LRFN3: variants seen among roughly 807,000 people sequenced by gnomAD.
LRFN3 encodes leucine rich repeat and fibronectin type III domain containing 3.
LRFN3 carries 8 observed loss-of-function variants against 23.8 expected under a neutral mutation model. The ratio of observed to expected loss-of-function variants is 0.34; its 90% CI spans 0.20 to 0.61. The LOEUF (loss-of-function observed/expected upper bound fraction) is 0.61. Ranked by LOEUF, LRFN3 falls within the 20% of genes least tolerant of loss-of-function variation. The pLI is 0.80. For synonymous variants in LRFN3, 451 were observed against 450.6 expected, an observed-to-expected ratio of 1.00 and a Z score of -0.01; for missense variants, 736 against 935.3, an observed-to-expected ratio of 0.79 and a Z score of 2.78.
At position 35,944,960 on chromosome 19, in the gene LRFN3, A is replaced by G. The variant is rs767014678; in HGVS notation, c.1828A>G (p.Thr610Ala). ...APEPAALRAH[T>A]VVQLDCEPWG... ...GGAGCCCGCGGCGCTCAGGGCCCACACCGTGGTCCAGCTGGACTGCGAGCC... is the reference window on the plus strand; with the variant it reads ...GGAGCCCGCGGCGCTCAGGGCCCACGCCGTGGTCCAGCTGGACTGCGAGCC... Residue 610 changes from threonine to alanine, a missense_variant, in exon 3 of 3, where the codon ACC becomes GCC. Thr to Ala is a moderately conservative substitution (Grantham distance 58). Around this residue, in one of 2 missense-constraint regions of LRFN3, gnomAD observed 290 missense variants for 287.4 expected, o/e 1.01. Coordinates refer to ENST00000246529, the MANE Select transcript of LRFN3 (RefSeq NM_024509.2). This position sits in a 1 kb window ranked among gnomAD's most constrained non-coding sequence, Gnocchi z 4.5. The G allele has an allele frequency of 7.6e-5, 110 of 1,445,440 alleles. No homozygotes were observed. In the East Asian group the frequency reaches 2.2e-3, roughly 29 times the overall value. 89.5% of individuals were successfully genotyped at this position (1,445,440 alleles called of 1,614,324 possible).
At chr19:35,940,955 G>A in intron 2 of LRFN3, 115 bp downstream of exon 2, 1 of 1,336,488 alleles carries the variant, frequency 7.5e-7, no homozygotes, top group South Asian at 2.3e-5. Context: ...ATGCTGGAAG[G>A]TTCCAAAAGA....
In LRFN3 at chr19:35,944,990, G is replaced by A; in HGVS notation, c.1858G>A (p.Gly620Arg). The part of the protein sequence containing the change: ...TVVQLDCEPW[G>R]PGHEPVGP Reference sequence around the variant, plus strand: ...GGTCCAGCTGGACTGCGAGCCCTGGGGGCCCGGCCACGAACCTGTGGGACC... The same window carrying A: ...GGTCCAGCTGGACTGCGAGCCCTGGAGGCCCGGCCACGAACCTGTGGGACC... The change falls in exon 3 of 3, where the codon GGG becomes AGG. Residue 620 changes from glycine to arginine, a missense_variant. Around this residue, in one of 2 missense-constraint regions of LRFN3, gnomAD observed 290 missense variants for 287.4 expected, o/e 1.01. Transcript: ENST00000246529. This position sits in a 1 kb window ranked among gnomAD's most constrained non-coding sequence, Gnocchi z 4.5. The A allele has an allele frequency of 7.1e-7, 1 of 1,398,660 alleles. No individual in the cohort carries two copies. The highest frequency in any genetic ancestry group is 9.2e-7 in the Non-Finnish European group (1 of 1,087,570). 86.6% of individuals were successfully genotyped at this position (1,398,660 alleles called of 1,614,324 possible). A position where few individuals can be genotyped will look rare whatever the true frequency, so the allele number is the denominator to read the frequency against.
Position 35,939,138 on chromosome 19 carries a change from T to G in LRFN3, c.-16-272T>G, listed in dbSNP as rs115506601. On this transcript the variant is annotated intron_variant, in intron 1 of 2. Coordinates refer to ENST00000246529, the MANE Select transcript of LRFN3 (RefSeq NM_024509.2). The surrounding 1 kb of genome is among the most constrained non-coding windows in gnomAD (Gnocchi z 6.4). The stretch of plus-strand genomic sequence containing the variant: ...CCATGCCTAGCTAATTTTTAAAAAT[T>G]TTTGTATAATAGATACACGGTCTCA... Among the ~76,000 whole-genome samples, 1,552 of 152,264 alleles carry G rather than the reference T, an allele frequency of 0.01. 17 individuals carry two copies. The highest frequency in any genetic ancestry group is 0.021 in the African/African-American group (873 of 41,536).
In LRFN3 at chr19:35,945,039, A is replaced by T. The variant is rs1776215919; in HGVS notation, c.*20A>T. On this transcript the variant is annotated 3_prime_UTR_variant, in exon 3 of 3. Transcript: ENST00000246529. ...CCCTAGCCAGGCGCCCCCCCCTCTA[A>T]GGGTCCTCTGGCCCCACGGACAGCA... 1 of 1,317,890 alleles carries T rather than the reference A, an allele frequency of 7.6e-7. No homozygotes were observed. Among genetic ancestry groups the T allele is most frequent in the Non-Finnish European group, 9.8e-7 (1 of 1,022,036 alleles). 81.6% of individuals were successfully genotyped at this position (1,317,890 alleles called of 1,614,324 possible). A position where few individuals can be genotyped will look rare whatever the true frequency, so the allele number is the denominator to read the frequency against.
Position 35,945,311 on chromosome 19 carries a change from C to G in LRFN3, c.*292C>G. On this transcript the variant is annotated 3_prime_UTR_variant, in exon 3 of 3. Coordinates refer to ENST00000246529, the MANE Select transcript of LRFN3 (RefSeq NM_024509.2). ...CCCGCCCAGTTCAGTCTGAGGACCC[C>G]GGAGGAGGCTGAGGATGGCGATCCA... is the stretch of plus-strand genomic sequence containing the variant. The G allele has an allele frequency of 3.0e-6, 1 of 328,948 alleles. No homozygotes were observed. The allele number at this position is 328,948 out of a possible 1,614,324, so 20.4% of individuals were successfully genotyped here.
In LRFN3 at chr19:35,944,916, C is replaced by T; in HGVS notation, c.1784C>T (p.Thr595Met). ...AACGGCGCCCTGGGCCCCACGCCCA[C>T]GCCCGCCCCGCCCGCCCCGGAGCCC... ...QTNGALGPTP[T>M]PAPPAPEPAA... The change falls in exon 3 of 3, where the codon ACG (threonine) becomes ATG (methionine). Residue 595 changes from threonine (T) to methionine (M), a missense_variant. Coordinates refer to ENST00000246529, the MANE Select transcript of LRFN3 (RefSeq NM_024509.2). The surrounding 1 kb of genome is among the most constrained non-coding windows in gnomAD (Gnocchi z 4.5). 6.5e-7 allele frequency: 1 copy of T among 1,530,008 alleles called. No individual in the cohort carries two copies. The highest frequency in any genetic ancestry group is 8.7e-7 in the Non-Finnish European group (1 of 1,146,848). 94.8% of individuals were successfully genotyped at this position (1,530,008 alleles called of 1,614,324 possible). A position where few individuals can be genotyped will look rare whatever the true frequency, so the allele number is the denominator to read the frequency against.
intron 1 of LRFN3, among the ~76,000 whole-genome samples, chr19:35,938,775 T>C (rs1976084506): frequency 6.6e-6 from 1 of 152,126 alleles, no homozygotes; most frequent in Non-Finnish European, 1.5e-5. Flanking sequence ...TGTCCACTGC[T>C]CATCTTCCTG....
chr19:35,940,331 A>G lies in LRFN3; in HGVS notation c.906A>G (p.Ser302=). The G allele has an allele frequency of 6.3e-7, 1 of 1,582,920 alleles. No individual in the cohort carries two copies. ...VCEPPVVTHR[S]PPLAVPAGRP... ...AGCCGCCCGTGGTGACTCACCGCTC[A>G]CCACCTCTGGCTGTGCCCGCAGGTC... is the stretch of plus-strand genomic sequence containing the variant. The change falls in exon 2 of 3, where the codon TCA becomes TCG. Residue 302 remains serine (S), a synonymous_variant. Coordinates refer to ENST00000246529, the MANE Select transcript of LRFN3 (RefSeq NM_024509.2).
Position 35,944,451 on chromosome 19 carries a change from C to CT in LRFN3, c.1416-96dup. On this transcript the variant is annotated intron_variant, in intron 2 of 2. Transcript: ENST00000246529. The surrounding 1 kb of genome is among the most constrained non-coding windows in gnomAD (Gnocchi z 4.5). ...GGGTAGAATGAAATGAAGGAGTGGA[C>CT]TGGTGGGAAGTCTAGCCCCGCAGGG... 1.4e-6 allele frequency: 1 copy of CT among 724,548 alleles called. No individual in the cohort carries two copies. The highest frequency in any genetic ancestry group is 2.1e-6 in the Non-Finnish European group (1 of 484,780). 44.9% of individuals were successfully genotyped at this position (724,548 alleles called of 1,614,324 possible).
rs764439940 is a variant in LRFN3 at position 35,944,785 on chromosome 19, A to G, written c.1653A>G (p.Val551=). ...IALGGVIVAS[V]LVFIFVLLMR... ...TGGGCGGCGTCATCGTAGCCTCGGT[A>G]CTGGTCTTCATCTTCGTGCTGCTAA... The change falls in exon 3 of 3, where the codon GTA becomes GTG. Residue 551 remains valine (V), a synonymous_variant. Transcript: ENST00000246529. This position sits in a 1 kb window ranked among gnomAD's most constrained non-coding sequence, Gnocchi z 4.5. The G allele has an allele frequency of 1.3e-5, 21 of 1,611,202 alleles. No individual in the cohort carries two copies. In the African/African-American group the frequency reaches 1.9e-4, roughly 14 times the overall value.
intron 2 of LRFN3, among the ~76,000 whole-genome samples, chr19:35,943,055 G>T (rs937033997): frequency 2.0e-5 from 3 of 150,368 alleles, no homozygotes; most frequent in Non-Finnish European, 4.4e-5. Context: ...AGTCACACAA[G>T]TCCTGGCCAC....
At chr19:35,938,303 G>T (rs977977280) in intron 1 of LRFN3, among the ~76,000 whole-genome samples, 3 of 151,118 alleles carry the variant, frequency 2.0e-5, no homozygotes, top group African/African-American at 7.3e-5. Flanking sequence ...ACTCACTGAT[G>T]CCCTCTGATC....
At position 35,939,168 on chromosome 19, in the gene LRFN3, G is replaced by A. The variant is rs539110447; in HGVS notation, c.-16-242G>A. On this transcript the variant is annotated intron_variant, in intron 1 of 2. Transcript: ENST00000246529. This position sits in a 1 kb window ranked among gnomAD's most constrained non-coding sequence, Gnocchi z 6.4. Reference sequence around the variant, plus strand: ...TATAATAGATACACGGTCTCACTTTGTTGCCCAGGCTGGTCTTGAACTCCT... The same window carrying A: ...TATAATAGATACACGGTCTCACTTTATTGCCCAGGCTGGTCTTGAACTCCT... 2.6e-5 allele frequency among the ~76,000 whole-genome samples: 4 copies of A among 152,232 alleles called. No individual in the cohort carries two copies. Among genetic ancestry groups the A allele is most frequent in the African/African-American group, 9.6e-5 (4 of 41,538 alleles).
chr19:35,944,812 G>T lies in LRFN3; in HGVS notation c.1680G>T (p.Met560Ile), dbSNP rs1177545949. ...TGGTCTTCATCTTCGTGCTGCTAAT[G>T]CGCTACAAGGTGCACGGCGGCCAGC... ...SVLVFIFVLL[M>I]RYKVHGGQPP... Residue 560 changes from methionine to isoleucine, a missense_variant, in exon 3 of 3, where the codon ATG becomes ATT. Around this residue, in one of 2 missense-constraint regions of LRFN3, gnomAD observed 290 missense variants for 287.4 expected, o/e 1.01. Coordinates refer to ENST00000246529, the MANE Select transcript of LRFN3 (RefSeq NM_024509.2). The surrounding 1 kb of genome is among the most constrained non-coding windows in gnomAD (Gnocchi z 4.5). 6.2e-7 allele frequency: 1 copy of T among 1,610,328 alleles called. No homozygotes were observed. Among genetic ancestry groups the T allele is most frequent in the African/African-American group, 1.3e-5 (1 of 74,986 alleles).
In LRFN3 at chr19:35,945,033, C is replaced by T. The variant is rs552870079; in HGVS notation, c.*14C>T. ...GTGGGACCCTAGCCAGGCGCCCCCC[C>T]CTCTAAGGGTCCTCTGGCCCCACGG... On this transcript the variant is annotated 3_prime_UTR_variant, in exon 3 of 3. Coordinates refer to ENST00000246529, the MANE Select transcript of LRFN3 (RefSeq NM_024509.2). 14 of 1,341,616 alleles carry T rather than the reference C, an allele frequency of 1.0e-5. No individual in the cohort carries two copies. The highest frequency in any genetic ancestry group is 7.7e-5 in the Admixed American group (2 of 26,074). The allele number at this position is 1,341,616 out of a possible 1,614,324, so 83.1% of individuals were successfully genotyped here.
chr19:35,940,357 G>A lies in LRFN3; in HGVS notation c.932G>A (p.Arg311Gln), dbSNP rs201546784. The A allele has an allele frequency of 7.6e-6, 12 of 1,571,282 alleles. No homozygotes were observed. The highest frequency in any genetic ancestry group is 4.5e-5 in the East Asian group (2 of 44,390). The part of the protein sequence containing the change: ...RSPPLAVPAG[R>Q]PAALRCRAVG... ...CCACCTCTGGCTGTGCCCGCAGGTC[G>A]GCCGGCTGCCCTGCGCTGCCGGGCA... Residue 311 changes from arginine (R) to glutamine (Q), a missense_variant, in exon 2 of 3, where the codon CGG becomes CAG. By Grantham distance (43) the Arg-to-Gln change is conservative. Around this residue, in one of 2 missense-constraint regions of LRFN3, gnomAD observed 446 missense variants for 647.9 expected, o/e 0.69. Transcript: ENST00000246529.
chr19:35,941,638 G>A (rs1411600184), intron 2 of LRFN3, among the ~76,000 whole-genome samples: 4 of 151,880 alleles, frequency 2.6e-5, no homozygotes, highest in African/African-American at 7.3e-5. Flanking sequence ...GTGCAATCTC[G>A]GCTCACTACA....
At position 35,939,731 on chromosome 19, in the gene LRFN3, CT is replaced by C; in HGVS notation, c.308del (p.Phe103SerfsTer17). 6.2e-7 allele frequency: 1 copy of C among 1,603,512 alleles called. No individual in the cohort carries two copies. On this transcript the variant is annotated frameshift_variant, in exon 2 of 3. Transcript: ENST00000246529. LOFTEE classifies it high-confidence loss of function. The surrounding 1 kb of genome is among the most constrained non-coding windows in gnomAD (Gnocchi z 6.4). Reference protein sequence around the residue: ...NTIRHVAAGAFADLRALRALH... With the variant: ...NTIRHVAAGAXADLRALRALH... Reference sequence around the variant, plus strand: ...CCATCCGCCACGTGGCTGCCGGCGCCTTCGCCGACCTGCGGGCCCTGCGTGC... The same window carrying C: ...CCATCCGCCACGTGGCTGCCGGCGCCTCGCCGACCTGCGGGCCCTGCGTGC...
At position 35,940,735 on chromosome 19, in the gene LRFN3, G is replaced by C. The variant is rs1204544803; in HGVS notation, c.1310G>C (p.Gly437Ala). ...CGTGGCGTCCAGGTGACTGAGCACG[G>C]GGCCACAGCTGCTCTTGTCCAGTGG... ...TDRGVQVTEH[G>A]ATAALVQWPD... Residue 437 changes from glycine (G) to alanine (A), a missense_variant, in exon 2 of 3, where the codon GGG becomes GCG. Around this residue, in one of 2 missense-constraint regions of LRFN3, gnomAD observed 446 missense variants for 647.9 expected, o/e 0.69. Transcript: ENST00000246529. 3.7e-6 allele frequency: 6 copies of C among 1,613,312 alleles called. No homozygotes were observed. Among genetic ancestry groups the C allele is most frequent in the Non-Finnish European group, 5.1e-6 (6 of 1,179,902 alleles).
Sources: allele counts gnomAD v4.1 joint callset (sites outside exome capture counted in the v4.1 genomes callset), GRCh38; gene constraint gnomAD v4.1.1; regional missense constraint gnomAD v4.1.1; non-coding constraint Gnocchi (gnomAD v3.1); transcripts MANE v1.5; gene names NCBI Gene and HGNC (gene_info 2026-07-23, HGNC 2026-07-21).